Variants in PCDH11Y observed in about 807,000 individuals in gnomAD.
The protein encoded by PCDH11Y is protocadherin-11 Y-linked.
For synonymous variants in PCDH11Y, 9 were observed against 83.6 expected, an observed-to-expected ratio of 0.11 and a Z score of 4.87; for missense variants, 12 against 224.8, an observed-to-expected ratio of 0.05 and a Z score of 6.05.
At chrY:5,415,540 C>T in intron 2 of PCDH11Y, among the ~76,000 whole-genome samples, 1 of 29,637 alleles carries the variant, frequency 3.4e-5, no homozygotes, top group Non-Finnish European at 8.1e-5. Context: ...TGCAAGTAGG[C>T]GTGGCCAGGG....
At chrY:5,164,230 T>C in intron 2 of PCDH11Y, among the ~76,000 whole-genome samples, 1 of 31,662 alleles carries the variant, frequency 3.2e-5, no homozygotes, top group South Asian at 7.4e-4. Context: ...GGTCTCATTA[T>C]GTTGCCCAGG....
chrY:5,295,009 TATA>T (rs2053071981), intron 2 of PCDH11Y, among the ~76,000 whole-genome samples: 1 of 33,808 alleles, frequency 3.0e-5, no homozygotes, highest in Non-Finnish European at 7.3e-5. Flanking sequence ...TTTCACAAGA[TATA>T]CTATTCTAGA....
At chrY:5,437,786 C>A (rs2053276811) in intron 2 of PCDH11Y, among the ~76,000 whole-genome samples, 1 of 33,354 alleles carries the variant, frequency 3.0e-5, no homozygotes, top group Non-Finnish European at 7.4e-5. Context: ...GCGCTGCACC[C>A]ACAGATACTG....
intron 2 of PCDH11Y, among the ~76,000 whole-genome samples, chrY:5,154,046 C>T (rs2052866641): frequency 3.8e-5 from 1 of 26,043 alleles, no homozygotes; most frequent in Non-Finnish European, 8.8e-5. Context: ...CATATATACA[C>T]ATATATATAC....
At chrY:5,200,003 G>C in intron 2 of PCDH11Y, among the ~76,000 whole-genome samples, 1 of 32,612 alleles carries the variant, frequency 3.1e-5, no homozygotes, top group Non-Finnish European at 7.5e-5. Context: ...TGGGAGAGTG[G>C]TCCTGGCTGG....
chrY:5,221,875 G>A, intron 2 of PCDH11Y, among the ~76,000 whole-genome samples: 1 of 32,177 alleles, frequency 3.1e-5, no homozygotes, highest in Admixed American at 2.8e-4. Context: ...TAGAGGAAAA[G>A]TTTCAAATTT....
chrY:5,194,256 C>T, intron 2 of PCDH11Y, among the ~76,000 whole-genome samples: 1 of 29,368 alleles, frequency 3.4e-5, no homozygotes, highest in African/African-American at 1.4e-4. Flanking sequence ...GGCAACATAG[C>T]GAGACTCTTT....
intron 2 of PCDH11Y, among the ~76,000 whole-genome samples, chrY:5,354,831 T>C (rs2476103): frequency 3.0e-5 from 1 of 33,038 alleles, no homozygotes. Flanking sequence ...TATTGTAAAG[T>C]ATTTCACTTA....
chrY:5,286,362 TTTTG>T (rs2053060559), intron 2 of PCDH11Y, among the ~76,000 whole-genome samples: 1 of 33,224 alleles, frequency 3.0e-5, no homozygotes. Context: ...GGGTTGATTT[TTTTG>T]TTTGTTTGTT....
intron 2 of PCDH11Y, among the ~76,000 whole-genome samples, chrY:5,425,878 T>TA: frequency 3.2e-5 from 1 of 31,334 alleles, no homozygotes; most frequent in South Asian, 7.1e-4. Flanking sequence ...AATGTTTGCA[T>TA]TTTTTTTTTC....
intron 2 of PCDH11Y, among the ~76,000 whole-genome samples, chrY:5,271,481 AC>A (rs2053036461): frequency 3.2e-5 from 1 of 30,933 alleles, no homozygotes; most frequent in Non-Finnish European, 8.1e-5. Flanking sequence ...AAGTGGTGTT[AC>A]CTTTGTATTT....
At chrY:5,309,428 ATTCAT>A (rs2053094706) in intron 2 of PCDH11Y, among the ~76,000 whole-genome samples, 1 of 34,118 alleles carries the variant, frequency 2.9e-5, no homozygotes, top group Non-Finnish European at 7.3e-5. Flanking sequence ...TGAGTCAATT[ATTCAT>A]TTCATCACAG....
chrY:5,229,574 A>G (rs2052965901), intron 2 of PCDH11Y, among the ~76,000 whole-genome samples: 1 of 31,671 alleles, frequency 3.2e-5, no homozygotes, highest in Non-Finnish European at 7.6e-5. Flanking sequence ...TCAGCCTCCT[A>G]AAGTGCTGGG....
intron 2 of PCDH11Y, among the ~76,000 whole-genome samples, chrY:5,470,212 A>G: frequency 3.2e-5 from 1 of 31,089 alleles, no homozygotes; most frequent in Non-Finnish European, 7.9e-5. Context: ...CAGACAAGAA[A>G]AACTCCTCTA....
At chrY:5,060,601 G>T (rs2052672486) in intron 1 of PCDH11Y, among the ~76,000 whole-genome samples, 1 of 28,146 alleles carries the variant, frequency 3.6e-5, no homozygotes, top group African/African-American at 1.5e-4. Context: ...CATATGACTG[G>T]TAAATGATAG....
intron 4 of PCDH11Y, among the ~76,000 whole-genome samples, chrY:5,642,003 G>A: frequency 3.0e-5 from 1 of 33,888 alleles, no homozygotes; most frequent in Non-Finnish European, 7.4e-5. Context: ...ACATATTGTG[G>A]TGAGAGAGTT....
At chrY:5,399,879 G>T in intron 2 of PCDH11Y, among the ~76,000 whole-genome samples, 1 of 32,464 alleles carries the variant, frequency 3.1e-5, no homozygotes, top group Non-Finnish European at 7.5e-5. Context: ...TTTTGTCAGG[G>T]AACTAAAACT....
At chrY:5,633,206 C>T (rs1602954449) in intron 4 of PCDH11Y, among the ~76,000 whole-genome samples, 2 of 33,426 alleles carry the variant, frequency 6.0e-5, no homozygotes, top group Middle Eastern at 0.028. Flanking sequence ...TAGTATGTAT[C>T]GGTACTCCAT....
chrY:5,653,699 A>G (rs2124706471), intron 4 of PCDH11Y, among the ~76,000 whole-genome samples: 9 of 33,400 alleles, frequency 2.7e-4, no homozygotes, highest in Non-Finnish European at 5.2e-4. Context: ...TCAGGATATT[A>G]TCGAGGAGAA....
Sources: allele counts gnomAD v4.1 joint callset (sites outside exome capture counted in the v4.1 genomes callset), GRCh38; gene constraint gnomAD v4.1.1; transcripts MANE v1.5; gene names NCBI Gene and HGNC (gene_info 2026-07-23, HGNC 2026-07-21).